RBFOX1: variants seen among roughly 807,000 people sequenced by gnomAD.
The protein encoded by RBFOX1 is RNA binding protein fox-1 homolog 1.
Under a neutral mutation model 57.7 loss-of-function variants are expected in RBFOX1, and 8 were observed. That is an observed-to-expected ratio of 0.14 (90% CI 0.08 to 0.25). The LOEUF is 0.25. Ranked by LOEUF, RBFOX1 falls within the 10% of genes least tolerant of loss-of-function variation. The probability of loss-of-function intolerance (pLI) is 1.00; values close to 1 mark genes in which losing one functional copy is unlikely to be tolerated. For missense variants in RBFOX1, 611 were observed against 548.5 expected, an observed-to-expected ratio of 1.11 and a Z score of -1.14; for synonymous variants, 326 against 222.4, an observed-to-expected ratio of 1.47 and a Z score of -4.15.
intron 4 of RBFOX1, among the ~76,000 whole-genome samples, chr16:7,327,552 C>G (rs1234678401): frequency 2.0e-5 from 3 of 152,194 alleles, no homozygotes; most frequent in Non-Finnish European, 4.4e-5. Flanking sequence ...GGGAAACACT[C>G]TGTTTTATGC....
At chr16:6,862,314 C>G (rs951815811) in intron 3 of RBFOX1, among the ~76,000 whole-genome samples, 13 of 152,132 alleles carry the variant, frequency 8.5e-5, no homozygotes, top group African/African-American at 2.2e-4. Flanking sequence ...GCCTTGTGAA[C>G]AAGCTCACAG....
intron 3 of RBFOX1, among the ~76,000 whole-genome samples, chr16:6,661,990 A>C (rs911645201): frequency 1.5e-4 from 23 of 152,202 alleles, no homozygotes; most frequent in Admixed American, 1.5e-3. Context: ...AACAAGATAG[A>C]TGAACCTAGA....
intron 3 of RBFOX1, among the ~76,000 whole-genome samples, chr16:5,655,617 C>A (rs1006259180): frequency 6.6e-6 from 1 of 152,202 alleles, no homozygotes; most frequent in Non-Finnish European, 1.5e-5. Context: ...GTCCTTGATA[C>A]AGCAGAGTGC....
intron 1 of RBFOX1, among the ~76,000 whole-genome samples, chr16:6,107,433 C>G (rs1423807408): frequency 6.6e-6 from 1 of 152,112 alleles, no homozygotes; most frequent in South Asian, 2.1e-4. Context: ...AAGACACACT[C>G]CTCTGAAGCT....
chr16:6,712,021 G>T (rs1211323906), intron 3 of RBFOX1, among the ~76,000 whole-genome samples: 1 of 152,070 alleles, frequency 6.6e-6, no homozygotes, highest in Admixed American at 6.5e-5. Flanking sequence ...CTCTTTCTCT[G>T]TCTCACATAT....
Position 6,780,181 on chromosome 16 carries a change from ATATATATATTTATATATTTTTATATATT to A in RBFOX1, c.-16+125549_-16+125576del, listed in dbSNP as rs1567213894. 5.2e-4 allele frequency among the ~76,000 whole-genome samples: 10 copies of A among 19,076 alleles called. 1 individual carries two copies. In the Admixed American group the frequency reaches 5.6e-3, roughly 11 times the overall value. 12.5% of individuals were successfully genotyped at this position (19,076 alleles called of 152,430 possible). On this transcript the variant is annotated intron_variant, in intron 3 of 15. Coordinates refer to ENST00000550418, the MANE Select transcript of RBFOX1 (RefSeq NM_018723.4). ...TATATTTATATATTTTTATATATTT[ATATATATATTTATATATTTTTATATATT>A]TATATATATTTATATATATATTTAT...
chr16:6,680,765 G>C (rs1160626060), intron 3 of RBFOX1, among the ~76,000 whole-genome samples: 1 of 152,210 alleles, frequency 6.6e-6, no homozygotes, highest in Non-Finnish European at 1.5e-5. Context: ...AAGGCGGAAA[G>C]ATGCTAGATG....
chr16:6,377,520 C>A (rs534148327), intron 2 of RBFOX1, among the ~76,000 whole-genome samples: 1 of 152,196 alleles, frequency 6.6e-6, no homozygotes, highest in South Asian at 2.1e-4. Context: ...CAAGTCTCAG[C>A]CTGGAGAACT....
intron 1 of RBFOX1, among the ~76,000 whole-genome samples, chr16:5,450,785 G>C (rs756104206): frequency 1.3e-5 from 2 of 152,186 alleles, no homozygotes; most frequent in African/African-American, 2.4e-5. Flanking sequence ...ACTTTGGGTA[G>C]CCTCGTCTGG....
chr16:7,462,319 A>G (rs1419449432), intron 4 of RBFOX1, among the ~76,000 whole-genome samples: 2 of 152,174 alleles, frequency 1.3e-5, no homozygotes, highest in Non-Finnish European at 2.9e-5. Context: ...ATATGGTGAA[A>G]CCTCATCTCT....
intron 1 of RBFOX1, among the ~76,000 whole-genome samples, chr16:5,420,469 C>G (rs1458931178): frequency 6.6e-6 from 1 of 152,104 alleles, no homozygotes; most frequent in East Asian, 1.9e-4. Context: ...CTCATACACT[C>G]ATGTACACAC....
intron 3 of RBFOX1, among the ~76,000 whole-genome samples, chr16:6,915,227 G>A (rs116509927): frequency 0.018 from 2,759 of 152,214 alleles, 88 homozygotes; most frequent in African/African-American, 0.063. Flanking sequence ...CCTAGCAGCT[G>A]GATGAAGCCT....
At chr16:7,707,951 T>C (rs1490629446) in intron 14 of RBFOX1, among the ~76,000 whole-genome samples, 1 of 152,168 alleles carries the variant, frequency 6.6e-6, no homozygotes, top group African/African-American at 2.4e-5. Flanking sequence ...AGTATTAAGA[T>C]AGCAGCATTC....
chr16:6,711,733 C>A (rs1408454603), intron 3 of RBFOX1, among the ~76,000 whole-genome samples: 1 of 152,162 alleles, frequency 6.6e-6, no homozygotes, highest in African/African-American at 2.4e-5. Context: ...TGGACCGATA[C>A]ACTCCTCACT....
chr16:6,220,496 G>C (rs1227015160), intron 1 of RBFOX1, among the ~76,000 whole-genome samples: 7 of 152,148 alleles, frequency 4.6e-5, no homozygotes, highest in Admixed American at 4.6e-4. Flanking sequence ...AGACTATATT[G>C]AGTTATAAGT....
chr16:6,316,106 CA>C (rs1250497598), intron 1 of RBFOX1, among the ~76,000 whole-genome samples: 2 of 152,088 alleles, frequency 1.3e-5, no homozygotes, highest in Non-Finnish European at 2.9e-5. Context: ...ATCAGGATTC[CA>C]GAACCCTGCA....
intron 3 of RBFOX1, among the ~76,000 whole-genome samples, chr16:6,742,821 G>C (rs1304452635): frequency 6.6e-6 from 1 of 152,094 alleles, no homozygotes; most frequent in Non-Finnish European, 1.5e-5. Flanking sequence ...TGCCAGTATG[G>C]TGGGAGAAAA....
intron 2 of RBFOX1, among the ~76,000 whole-genome samples, chr16:6,636,251 A>C (rs1356157346): frequency 6.6e-6 from 1 of 152,088 alleles, no homozygotes; most frequent in Non-Finnish European, 1.5e-5. Context: ...GCTCACTGCA[A>C]GCTCTGCCTC....
chr16:5,916,506 T>C (rs183407121), intron 4 of RBFOX1, among the ~76,000 whole-genome samples: 165 of 152,238 alleles, frequency 1.1e-3, no homozygotes, highest in Non-Finnish European at 2.1e-3. Context: ...TCACCACTTG[T>C]TTTAAGCTTT....
Sources: allele counts gnomAD v4.1 joint callset (sites outside exome capture counted in the v4.1 genomes callset), GRCh38; gene constraint gnomAD v4.1.1; transcripts MANE v1.5; gene names NCBI Gene and HGNC (gene_info 2026-07-23, HGNC 2026-07-21).